ZMIZ1: variants seen among roughly 807,000 people sequenced by gnomAD.
ZMIZ1 encodes zinc finger MIZ domain-containing protein 1.
Under a neutral mutation model 113.9 loss-of-function variants are expected in ZMIZ1, and 17 were observed. The ratio of observed to expected loss-of-function variants is 0.15; its 90% confidence interval spans 0.10 to 0.22. ZMIZ1 has a LOEUF of 0.22. Among genes scored for constraint, ZMIZ1 ranks in the 10% least tolerant of loss-of-function variants. ZMIZ1 has a pLI of 1.00. For missense variants in ZMIZ1, 1,059 were observed against 1,477.8 expected (o/e 0.72, Z 4.65); for synonymous variants, 607 against 603.1 (o/e 1.01, Z -0.09).
At chr10:79,266,433 G>A (rs779419341) in intron 7 of ZMIZ1, among the ~76,000 whole-genome samples, 11 of 152,202 alleles carry the variant, frequency 7.2e-5, no homozygotes, top group Non-Finnish European at 1.6e-4. Context: ...CCTTGGCAGG[G>A]TCCTAATTGG....
intron 7 of ZMIZ1, among the ~76,000 whole-genome samples, chr10:79,237,606 A>G (rs1274780608): frequency 3.3e-5 from 5 of 152,146 alleles, no homozygotes; most frequent in South Asian, 2.1e-4. Context: ...TTGTCCCTGC[A>G]TGCATGTCTC....
intron 1 of ZMIZ1, among the ~76,000 whole-genome samples, chr10:79,117,314 G>A (rs973284170): frequency 2.6e-5 from 4 of 152,268 alleles, no homozygotes; most frequent in East Asian, 1.9e-4. Flanking sequence ...GACCCCTGCC[G>A]TATTTCATCT....
intron 12 of ZMIZ1, chr10:79,295,361 T>C (rs1330692058): frequency 3.3e-5 from 5 of 152,234 alleles, no homozygotes; most frequent in Non-Finnish European, 7.3e-5. Flanking sequence ...TTTCATAGAG[T>C]GCTGCTGCTA....
At chr10:79,273,865 C>T (rs756473479) in intron 7 of ZMIZ1, among the ~76,000 whole-genome samples, 1 of 152,246 alleles carries the variant, frequency 6.6e-6, no homozygotes, top group African/African-American at 2.4e-5. Flanking sequence ...GTGATGTGTA[C>T]GTGGGCCTCC....
At chr10:79,183,502 CAG>C (rs1271045757) in intron 4 of ZMIZ1, among the ~76,000 whole-genome samples, 7 of 152,278 alleles carry the variant, frequency 4.6e-5, no homozygotes, top group Non-Finnish European at 1.0e-4. Context: ...CCTGCCCTAA[CAG>C]GGTCCCAGAA....
chr10:79,118,132 C>T lies in ZMIZ1; in HGVS notation c.-336-783C>T, dbSNP rs750543981. ...CCTTTCCCTCTCAGGGCCTCAGTTT[C>T]CTCATTTGTAAAATGACAAGGAAAA... is the stretch of plus-strand genomic sequence containing the variant. On this transcript the variant is annotated intron_variant, in intron 1 of 24. Coordinates refer to ENST00000334512, the MANE Select transcript of ZMIZ1 (RefSeq NM_020338.4). The surrounding 1 kb of genome is among the most constrained non-coding windows in gnomAD (Gnocchi z 4.1). Among the ~76,000 whole-genome samples the T allele has an allele frequency of 7.2e-5, 11 of 152,192 alleles. No homozygotes were observed. Among genetic ancestry groups the T allele is most frequent in the Non-Finnish European group, 1.6e-4 (11 of 68,038 alleles).
chr10:79,218,107 T>TG (rs1419837020), intron 7 of ZMIZ1, among the ~76,000 whole-genome samples: 4 of 152,134 alleles, frequency 2.6e-5, no homozygotes, highest in African/African-American at 2.4e-5. Context: ...CAGGGGCTTT[T>TG]GGGGGCTCTG....
chr10:79,152,373 G>C (rs767851332), intron 3 of ZMIZ1, among the ~76,000 whole-genome samples: 1 of 152,184 alleles, frequency 6.6e-6, no homozygotes, highest in African/African-American at 2.4e-5. Flanking sequence ...GGTGGTGGGC[G>C]CTTGCAGTCC....
chr10:79,076,557 C>T (rs79300793), intron 1 of ZMIZ1, among the ~76,000 whole-genome samples: 7,549 of 152,226 alleles, frequency 0.05, 308 homozygotes, highest in Non-Finnish European at 0.066. Flanking sequence ...AAAACAGGGC[C>T]GGGCACAGTG....
At chr10:79,234,885 C>T (rs1177640543) in intron 7 of ZMIZ1, among the ~76,000 whole-genome samples, 3 of 152,222 alleles carry the variant, frequency 2.0e-5, no homozygotes, top group Admixed American at 6.5e-5. Flanking sequence ...GGCATCTACA[C>T]TAGATGTCTT....
At chr10:79,281,427 G>A (rs1589556102) in intron 8 of ZMIZ1, among the ~76,000 whole-genome samples, 1 of 152,196 alleles carries the variant, frequency 6.6e-6, no homozygotes, top group South Asian at 2.1e-4. Flanking sequence ...ACTTCGGCTG[G>A]GAGGGGTAGT....
chr10:79,312,541 G>A (rs1855255824), intron 24 of ZMIZ1, 101 bp from the exon 25 acceptor site: 2 of 1,274,892 alleles, frequency 1.6e-6, no homozygotes, highest in African/African-American at 1.5e-5. Flanking sequence ...GGTCCTGAGA[G>A]GCAGGTGGAG....
intron 7 of ZMIZ1, among the ~76,000 whole-genome samples, chr10:79,236,906 CT>C (rs1564541384): frequency 6.6e-6 from 1 of 152,250 alleles, no homozygotes; most frequent in Non-Finnish European, 1.5e-5. Flanking sequence ...TGGAGCTTGC[CT>C]TTTAGTGAGG....
chr10:79,134,540 C>G (rs946765052), intron 2 of ZMIZ1, among the ~76,000 whole-genome samples: 16 of 152,230 alleles, frequency 1.1e-4, no homozygotes, highest in Admixed American at 6.5e-5. Flanking sequence ...AAACCTCCAC[C>G]TCCTTCTACT....
intron 3 of ZMIZ1, among the ~76,000 whole-genome samples, chr10:79,143,370 C>T (rs1270575489): frequency 1.3e-5 from 2 of 152,128 alleles, no homozygotes; most frequent in African/African-American, 2.4e-5. Flanking sequence ...TGAGCTATCC[C>T]TCTGCTCTGG....
chr10:79,143,443 A>G (rs1486249309), intron 3 of ZMIZ1, among the ~76,000 whole-genome samples: 1 of 152,066 alleles, frequency 6.6e-6, no homozygotes, highest in Non-Finnish European at 1.5e-5. Flanking sequence ...GTCTTGTCAG[A>G]TGCTCTTCCC....
intron 2 of ZMIZ1, among the ~76,000 whole-genome samples, chr10:79,122,802 G>A (rs911432178): frequency 8.5e-5 from 13 of 152,144 alleles, no homozygotes; most frequent in Non-Finnish European, 1.2e-4. Context: ...GACCCACATC[G>A]GGTAGGGGTG....
intron 3 of ZMIZ1, among the ~76,000 whole-genome samples, chr10:79,150,160 C>T (rs1157180884): frequency 2.6e-5 from 4 of 152,208 alleles, no homozygotes; most frequent in Non-Finnish European, 5.9e-5. Context: ...CCAACCCTGG[C>T]CTGGCCCCGG....
intron 1 of ZMIZ1, among the ~76,000 whole-genome samples, chr10:79,071,892 A>T (rs1258828156): frequency 6.7e-6 from 1 of 148,666 alleles, no homozygotes; most frequent in Non-Finnish European, 1.5e-5. Context: ...GTCCCAAATC[A>T]CGAGGTTTTG....
Sources: gnomAD v4.1 joint callset for allele counts (sites outside exome capture counted in the v4.1 genomes callset) on GRCh38, gnomAD v4.1.1 for gene constraint, Gnocchi (gnomAD v3.1) non-coding constraint, MANE v1.5 for transcripts, NCBI Gene and HGNC (gene_info 2026-07-23, HGNC 2026-07-21) for gene names.